The following MVB12B variants were observed in gnomAD, a reference collection of about 807,000 sequenced individuals.
MVB12B encodes the protein ESCRT-I complex subunit MVB12B.
MVB12B carries 16 observed loss-of-function variants against 41.6 expected under a neutral mutation model. The observed-to-expected ratio is 0.38, with a 90% confidence interval of 0.26 to 0.58. The LOEUF is 0.58. Among genes scored for constraint, MVB12B ranks in the 20% least tolerant of loss-of-function variants. The pLI is 0.62. For synonymous variants in MVB12B, 133 were observed against 139.7 expected (o/e 0.95, Z 0.34); for missense variants, 274 against 380.2 (o/e 0.72, Z 2.32).
intron 1 of MVB12B, chr9:126,327,291 G>C (rs1236717269): frequency 7.1e-6 from 7 of 985,078 alleles, no homozygotes; most frequent in Non-Finnish European, 8.4e-6. Flanking sequence ...CCCAAGGCCC[G>C]GGCAGGTGAG....
chr9:126,413,817 G>GTT (rs1170823190), intron 6 of MVB12B, among the ~76,000 whole-genome samples: 57 of 70,434 alleles, frequency 8.1e-4, no homozygotes, highest in African/African-American at 2.8e-3. Flanking sequence ...AACCCCATTG[G>GTT]TTGTGTGTGT....
At chr9:126,412,145 C>T (rs988565980) in intron 6 of MVB12B, among the ~76,000 whole-genome samples, 3 of 152,136 alleles carry the variant, frequency 2.0e-5, no homozygotes, top group Non-Finnish European at 4.4e-5. Context: ...TATTAAAATG[C>T]CAGCAGGTGC....
chr9:126,373,863 AAAAAAAGAACATT>A (rs1830409629), intron 2 of MVB12B, among the ~76,000 whole-genome samples: 1 of 152,206 alleles, frequency 6.6e-6, no homozygotes, highest in Non-Finnish European at 1.5e-5. Context: ...ATACAGGGGA[AAAAAAAGAACATT>A]AAAAATACTC....
At chr9:126,485,453 G>T (rs79111302) in intron 9 of MVB12B, among the ~76,000 whole-genome samples, 38 of 56,184 alleles carry the variant, frequency 6.8e-4, no homozygotes, top group African/African-American at 2.0e-3. Context: ...TCAGGGTACC[G>T]TCCACTGTGC....
intron 2 of MVB12B, among the ~76,000 whole-genome samples, chr9:126,369,510 C>T (rs918617999): frequency 2.0e-5 from 3 of 152,234 alleles, no homozygotes; most frequent in African/African-American, 7.2e-5. Context: ...GCCCATGCCT[C>T]CCTCCTTTCC....
chr9:126,467,086 G>A (rs528058278), intron 7 of MVB12B, among the ~76,000 whole-genome samples: 1 of 151,894 alleles, frequency 6.6e-6, no homozygotes, highest in Non-Finnish European at 1.5e-5. Context: ...TGCCCACCTC[G>A]GCCTGCCAAA....
chr9:126,438,438 C>T lies in MVB12B; in HGVS notation c.757+16490C>T, dbSNP rs551792833. On this transcript the variant is annotated intron_variant, in intron 7 of 9. Transcript: ENST00000361171. ...AAGTCTAAAGGTGTCAATGATAATT[C>T]GTCTCTAACATTTTCCAAAGTGTCT... 7.2e-5 allele frequency among the ~76,000 whole-genome samples: 11 copies of T among 151,960 alleles called. No individual in the cohort carries two copies. The South Asian group carries it at 8.3e-4, about 11-fold the overall frequency.
In MVB12B at chr9:126,326,959, C is replaced by T; in HGVS notation, c.30C>T (p.Ser10=). The T allele has an allele frequency of 3.7e-6, 1 of 268,460 alleles. No individual in the cohort carries two copies. Among genetic ancestry groups the T allele is most frequent in the South Asian group, 3.1e-5 (1 of 31,964 alleles). The allele number at this position is 268,460 out of a possible 1,614,324, so 16.6% of individuals were successfully genotyped here. ...GAAGCTGCTTCTGCGTGAGACGGAG[C>T]CGGGACCCGCCGCCGCCGCAGCCAC... is the stretch of plus-strand genomic sequence containing the variant. MRSCFCVRR[S]RDPPPPQPPP... is the part of the protein sequence containing the mutation. Residue 10 remains serine (S), a synonymous_variant, in exon 1 of 10, where the codon AGC becomes AGT. Transcript: ENST00000361171.
In MVB12B at chr9:126,376,581, C is replaced by T; in HGVS notation, c.205-4483C>T. ...ACCCTGGCGCTTTCCAGAGACAAAG[C>T]CCTCAGTGTCCAGTGTTCAGGGGAG... is the stretch of plus-strand genomic sequence containing the variant. On this transcript the variant is annotated intron_variant, in intron 2 of 9. Coordinates refer to ENST00000361171, the MANE Select transcript of MVB12B (RefSeq NM_033446.3). This position sits in a 1 kb window ranked among gnomAD's most constrained non-coding sequence, Gnocchi z 4.1. 5 of 1,289,406 alleles carry T rather than the reference C, an allele frequency of 3.9e-6. No individual in the cohort carries two copies. Among genetic ancestry groups the T allele is most frequent in the Non-Finnish European group, 5.1e-6 (5 of 988,888 alleles). The allele number at this position is 1,289,406 out of a possible 1,614,324, so 79.9% of individuals were successfully genotyped here. A position where few individuals can be genotyped will look rare whatever the true frequency, so the allele number is the denominator to read the frequency against.
At chr9:126,497,953 A>AG in intron 9 of MVB12B, among the ~76,000 whole-genome samples, 1 of 152,330 alleles carries the variant, frequency 6.6e-6, no homozygotes, top group Non-Finnish European at 1.5e-5. Flanking sequence ...CTCAGAAAGC[A>AG]GCGGGCGGCC....
chr9:126,391,327 C>G lies in MVB12B; in HGVS notation c.410-739C>G, dbSNP rs1464460707. On this transcript the variant is annotated intron_variant, in intron 4 of 9. Transcript: ENST00000361171. The surrounding 1 kb of genome is among the most constrained non-coding windows in gnomAD (Gnocchi z 4.4). ...AGAAAAGGGAACAGGAGTGGTTGTT[C>G]CAGAGTCAAATGATCTGGGAGGCCT... Among the ~76,000 whole-genome samples the G allele has an allele frequency of 6.6e-6, 1 of 152,296 alleles. No homozygotes were observed. Among genetic ancestry groups the G allele is most frequent in the South Asian group, 2.1e-4 (1 of 4,828 alleles).
At chr9:126,500,917 C>G (rs145946188) in intron 9 of MVB12B, among the ~76,000 whole-genome samples, 1 of 152,368 alleles carries the variant, frequency 6.6e-6, no homozygotes, top group African/African-American at 2.4e-5. Context: ...AGGTGGCCTT[C>G]ATGCTGGGCT....
chr9:126,392,198 G>A lies in MVB12B; in HGVS notation c.539+3G>A, dbSNP rs374603129. 14 of 1,614,010 alleles carry A rather than the reference G, an allele frequency of 8.7e-6. No homozygotes were observed. The highest frequency in any genetic ancestry group is 2.7e-5 in the African/African-American group (2 of 74,934). ...CCGCCTCAGTACACGTTTATTGGGTGAGTCTTAATAACAGGACTGTCAGCT... is the reference window on the plus strand; with the variant it reads ...CCGCCTCAGTACACGTTTATTGGGTAAGTCTTAATAACAGGACTGTCAGCT... On this transcript the variant is annotated splice_donor_region_variant and intron_variant, in intron 5 of 9. Coordinates refer to ENST00000361171, the MANE Select transcript of MVB12B (RefSeq NM_033446.3). This position sits in a 1 kb window ranked among gnomAD's most constrained non-coding sequence, Gnocchi z 4.8.
intron 7 of MVB12B, among the ~76,000 whole-genome samples, chr9:126,434,855 G>A (rs929461219): frequency 6.6e-6 from 1 of 152,186 alleles, no homozygotes; most frequent in Non-Finnish European, 1.5e-5. Flanking sequence ...TGGTCATCAT[G>A]TGGAGTTCAG....
At chr9:126,371,253 C>T (rs1050328765) in intron 2 of MVB12B, among the ~76,000 whole-genome samples, 2 of 152,254 alleles carry the variant, frequency 1.3e-5, no homozygotes, top group Non-Finnish European at 2.9e-5. Flanking sequence ...CGTGTCATAG[C>T]TTGGCCGTCT....
rs758162148 is a variant in MVB12B, at chr9:126,484,059, G to A, written c.873+27G>A. The A allele has an allele frequency of 9.3e-6, 15 of 1,609,712 alleles. No individual in the cohort carries two copies. In the Admixed American group the frequency reaches 2.3e-4, roughly 25 times the overall value. On this transcript the variant is annotated intron_variant, in intron 9 of 9. Transcript: ENST00000361171. The stretch of plus-strand genomic sequence containing the variant: ...TAAGCAAGCCATCAGGGGAGGGGAG[G>A]GCAGGCCTGGGCCATCGCCTGCACA...
intron 2 of MVB12B, among the ~76,000 whole-genome samples, chr9:126,369,707 G>A (rs904275694): frequency 1.3e-5 from 2 of 152,128 alleles, no homozygotes; most frequent in East Asian, 1.9e-4. Flanking sequence ...AGGCTAGAGT[G>A]CAATAGCGCA....
In MVB12B at chr9:126,503,194, C is replaced by T; in HGVS notation, c.891C>T (p.Arg297=). The T allele has an allele frequency of 1.3e-6, 2 of 1,550,906 alleles. No homozygotes were observed. The highest frequency in any genetic ancestry group is 8.7e-7 in the Non-Finnish European group (1 of 1,147,074). Residue 297 remains arginine, a synonymous_variant, in exon 10 of 10, where the codon CGC becomes CGT. Transcript: ENST00000361171. ...CCCTGCAGTACGAGTACAGCTTCCG[C>T]ACAGAGCAGAGCGCAGCCGCCAGGC... is the stretch of plus-strand genomic sequence containing the variant. ...EIEKEYEYSF[R]TEQSAAARLP...
At chr9:126,414,462 G>C (rs1478771918) in intron 6 of MVB12B, among the ~76,000 whole-genome samples, 1 of 152,146 alleles carries the variant, frequency 6.6e-6, no homozygotes, top group Non-Finnish European at 1.5e-5. Context: ...GAGGATTTAG[G>C]GACTGTTCCA....
Sources: allele counts gnomAD v4.1 joint callset (sites outside exome capture counted in the v4.1 genomes callset), GRCh38; gene constraint gnomAD v4.1.1; non-coding constraint Gnocchi (gnomAD v3.1); transcripts MANE v1.5; gene names NCBI Gene and HGNC (gene_info 2026-07-23, HGNC 2026-07-21).